The following CSMD1 variants were observed in gnomAD, a reference collection of about 807,000 sequenced individuals.
CSMD1 encodes the protein CUB and sushi domain-containing protein 1.
Under a neutral mutation model 417.5 loss-of-function variants are expected in CSMD1, and 213 were observed. That is an observed-to-expected ratio of 0.51 (90% CI 0.46 to 0.57). The LOEUF is 0.57. Ranked by LOEUF, CSMD1 falls within the 20% of genes least tolerant of loss-of-function variation. The pLI, the probability that CSMD1 is intolerant of heterozygous loss-of-function variation, is 0.00. For synonymous variants in CSMD1, 2,862 were observed against 1,736.8 expected (o/e 1.65, Z -16.11); for missense variants, 6,923 against 4,529.7 (o/e 1.53, Z -15.17).
intron 1 of CSMD1, among the ~76,000 whole-genome samples, chr8:4,780,106 A>G (rs1442465566): frequency 6.6e-6 from 1 of 152,188 alleles, no homozygotes; most frequent in Non-Finnish European, 1.5e-5. Flanking sequence ...CGCGTTTTGT[A>G]TTTTAGCAAC....
intron 3 of CSMD1, among the ~76,000 whole-genome samples, chr8:4,084,704 A>G (rs761951533): frequency 1.3e-5 from 2 of 152,002 alleles, no homozygotes; most frequent in Admixed American, 6.6e-5. Context: ...TCAATTAGCA[A>G]TAACAGAAAA....
At chr8:3,554,172 A>G (rs925684346) in intron 10 of CSMD1, among the ~76,000 whole-genome samples, 5 of 152,272 alleles carry the variant, frequency 3.3e-5, no homozygotes, top group African/African-American at 4.8e-5. Context: ...GTAGACAAGA[A>G]GAAGTTTTTA....
intron 10 of CSMD1, among the ~76,000 whole-genome samples, chr8:3,504,349 T>G (rs372554742): frequency 3.3e-4 from 51 of 152,308 alleles, no homozygotes; most frequent in African/African-American, 1.2e-3. Context: ...AAGAATTGTT[T>G]AACCTTTCTT....
At position 4,486,204 on chromosome 8, in the gene CSMD1, CATATATAT is replaced by C. The variant is rs1200901429; in HGVS notation, c.303-66147_303-66140del. Among the ~76,000 whole-genome samples, 69 of 16,750 alleles carry C rather than the reference CATATATAT, an allele frequency of 4.1e-3. 2 individuals are homozygous for C. The highest frequency in any genetic ancestry group is 5.4e-3 in the Non-Finnish European group (39 of 7,266). 11.0% of individuals were successfully genotyped at this position (16,750 alleles called of 152,430 possible). ...ACATATATATATATATATATACATA[CATATATAT>C]ATATATATATATACATACATATATA... is the stretch of plus-strand genomic sequence containing the variant. On this transcript the variant is annotated intron_variant, in intron 2 of 69. Transcript: ENST00000635120.
At chr8:4,707,492 A>G (rs929404692) in intron 1 of CSMD1, among the ~76,000 whole-genome samples, 5 of 152,210 alleles carry the variant, frequency 3.3e-5, no homozygotes, top group Admixed American at 6.5e-5. Flanking sequence ...GGATTTAGGA[A>G]GGGAAATCAG....
chr8:3,637,958 T>C (rs572272787), intron 7 of CSMD1, among the ~76,000 whole-genome samples: 11 of 152,202 alleles, frequency 7.2e-5, no homozygotes, highest in Non-Finnish European at 1.5e-4. Context: ...TCCTTCACCT[T>C]CTGCCATGAT....
At chr8:4,081,017 G>C (rs1045001236) in intron 3 of CSMD1, among the ~76,000 whole-genome samples, 4 of 152,056 alleles carry the variant, frequency 2.6e-5, no homozygotes, top group Non-Finnish European at 5.9e-5. Context: ...TTTCGCCTTT[G>C]CCTCCCTTGT....
intron 1 of CSMD1, among the ~76,000 whole-genome samples, chr8:4,891,491 T>G: frequency 6.6e-6 from 1 of 152,182 alleles, no homozygotes; most frequent in East Asian, 1.9e-4. Flanking sequence ...AGGTCTGTAA[T>G]TAAAAGAATT....
intron 12 of CSMD1, among the ~76,000 whole-genome samples, chr8:3,437,225 T>C (rs148264323): frequency 6.6e-6 from 1 of 152,196 alleles, no homozygotes; most frequent in Non-Finnish European, 1.5e-5. Flanking sequence ...GCTCACTTGA[T>C]TTGATGTATC....
In CSMD1 at chr8:4,048,331, T is replaced by C. The variant is rs183533235; in HGVS notation, c.416-16232A>G. Among the ~76,000 whole-genome samples the C allele has an allele frequency of 2.4e-4, 36 of 152,310 alleles. No individual in the cohort carries two copies. The East Asian group carries it at 5.0e-3, about 21-fold the overall frequency. On this transcript the variant is annotated intron_variant, in intron 3 of 69. Transcript: ENST00000635120. ...CACAAAGAGGGGAGTCTTTCATTTA[T>C]TCAATAACTTATTTTAACCATATTC...
At chr8:4,644,165 G>C (rs1180688499) in intron 1 of CSMD1, among the ~76,000 whole-genome samples, 2 of 152,160 alleles carry the variant, frequency 1.3e-5, no homozygotes, top group Non-Finnish European at 2.9e-5. Flanking sequence ...GGAGTACCCG[G>C]TTTGTATCAC....
At chr8:3,876,090 A>G (rs567626981) in intron 5 of CSMD1, among the ~76,000 whole-genome samples, 1 of 152,052 alleles carries the variant, frequency 6.6e-6, no homozygotes, top group Admixed American at 6.6e-5. Flanking sequence ...TCTTTTCTAT[A>G]TATTTGTTTT....
intron 3 of CSMD1, among the ~76,000 whole-genome samples, chr8:4,082,480 C>T (rs1423283750): frequency 4.0e-5 from 6 of 151,832 alleles, no homozygotes; most frequent in Non-Finnish European, 7.4e-5. Context: ...AGGAGATTAA[C>T]GTAATTTTGA....
chr8:4,282,802 G>C (rs540272748), intron 3 of CSMD1, among the ~76,000 whole-genome samples: 1 of 152,164 alleles, frequency 6.6e-6, no homozygotes, highest in African/African-American at 2.4e-5. Flanking sequence ...CTTCATAATG[G>C]AGTCGGGTAT....
chr8:3,510,347 G>C (rs1797012295), intron 10 of CSMD1, among the ~76,000 whole-genome samples: 2 of 151,786 alleles, frequency 1.3e-5, no homozygotes, highest in Admixed American at 1.3e-4. Context: ...GCCGGAGCTT[G>C]GGGGAGGACA....
At chr8:3,959,470 G>C (rs977814272) in intron 5 of CSMD1, among the ~76,000 whole-genome samples, 1 of 152,196 alleles carries the variant, frequency 6.6e-6, no homozygotes, top group African/African-American at 2.4e-5. Flanking sequence ...TTGCACTCCA[G>C]ACTGGATGAC....
At chr8:3,397,201 C>G (rs544665383) in intron 16 of CSMD1, among the ~76,000 whole-genome samples, 66 of 152,282 alleles carry the variant, frequency 4.3e-4, no homozygotes, top group African/African-American at 1.5e-3. Flanking sequence ...ACTTGGCTCT[C>G]AGGGAGCAGC....
At chr8:4,620,211 G>C (rs1234265690) in intron 2 of CSMD1, among the ~76,000 whole-genome samples, 1 of 151,546 alleles carries the variant, frequency 6.6e-6, no homozygotes, top group Admixed American at 6.6e-5. Flanking sequence ...AGGTAATATG[G>C]AGAATTATTT....
At chr8:4,679,420 A>G (rs1013581780) in intron 1 of CSMD1, among the ~76,000 whole-genome samples, 1 of 152,228 alleles carries the variant, frequency 6.6e-6, no homozygotes, top group Non-Finnish European at 1.5e-5. Flanking sequence ...TAATAATTAA[A>G]GTAGTAATTC....
Sources: allele counts gnomAD v4.1 joint callset (sites outside exome capture counted in the v4.1 genomes callset), GRCh38; gene constraint gnomAD v4.1.1; transcripts MANE v1.5; gene names NCBI Gene and HGNC (gene_info 2026-07-23, HGNC 2026-07-21).